Variants in LSM14B observed in about 807,000 individuals in gnomAD.
LSM14B encodes LSM family member 14B.
A neutral mutation model predicts 42.1 loss-of-function variants in LSM14B; 8 were observed. That is an observed-to-expected ratio of 0.19 (90% CI 0.11 to 0.34). LSM14B has a LOEUF of 0.34. Ranked by LOEUF, LSM14B falls within the 10% of genes least tolerant of loss-of-function variation. The probability of loss-of-function intolerance (pLI) is 1.00; values close to 1 mark genes in which losing one functional copy is unlikely to be tolerated. For synonymous variants in LSM14B, 219 were observed against 209.7 expected, an observed-to-expected ratio of 1.04 and a Z score of -0.38; for missense variants, 396 against 513.1, an observed-to-expected ratio of 0.77 and a Z score of 2.21.
intron 3 of LSM14B, chr20:62,128,825 AT>A (rs3215746): frequency 1.5e-3 from 1,031 of 667,572 alleles, no homozygotes; most frequent in South Asian, 1.9e-3. Context: ...TCTACAGTCA[AT>A]TTTTTTTTTC....
In LSM14B at chr20:62,134,266, G is replaced by A. The variant is rs796324786; in HGVS notation, c.*118G>A. The stretch of plus-strand genomic sequence containing the variant: ...GTCACTTTGTTTACGGAGTTTGGAA[G>A]AGACCCATACTGCTACTTGTGTTTT... On this transcript the variant is annotated 3_prime_UTR_variant, in exon 9 of 9. Transcript: ENST00000279068. The A allele has an allele frequency of 2.1e-6, 1 of 471,862 alleles. No homozygotes were observed. Among genetic ancestry groups the A allele is most frequent in the African/African-American group, 2.0e-5 (1 of 50,216 alleles). 29.2% of individuals were successfully genotyped at this position (471,862 alleles called of 1,614,324 possible). A position where few individuals can be genotyped will look rare whatever the true frequency, so the allele number is the denominator to read the frequency against.
In LSM14B at chr20:62,130,176, C is replaced by T. The variant is rs1201046526; in HGVS notation, c.596-43C>T. On this transcript the variant is annotated intron_variant, in intron 4 of 8. Coordinates refer to ENST00000279068, the MANE Select transcript of LSM14B (RefSeq NM_144703.3). This position sits in a 1 kb window ranked among gnomAD's most constrained non-coding sequence, Gnocchi z 4.1. ...TCCACAGCTGGGTTCTGGCTTCCGG[C>T]TGCTATAGGAGCTTTGCCTTACTCT... 2.6e-6 allele frequency: 4 copies of T among 1,557,412 alleles called. No individual in the cohort carries two copies. The highest frequency in any genetic ancestry group is 3.9e-5 in the Admixed American group (2 of 51,768).
chr20:62,127,656 T>C, intron 3 of LSM14B: 1 of 1,551,144 alleles, frequency 6.4e-7, no homozygotes, highest in Non-Finnish European at 8.7e-7. Flanking sequence ...ACAGCCCGTT[T>C]CAGAGCTTGA....
intron 3 of LSM14B, chr20:62,128,843 AT>A: frequency 1.2e-6 from 1 of 830,606 alleles, no homozygotes; most frequent in Non-Finnish European, 1.7e-6. Flanking sequence ...TTTCATTTCT[AT>A]TCCGTAAAAG....
intron 1 of LSM14B, chr20:62,123,385 CG>C (rs2056472317): frequency 6.6e-6 from 1 of 152,446 alleles, no homozygotes; most frequent in Non-Finnish European, 1.5e-5. Flanking sequence ...CAGAAGCATC[CG>C]TTGGCAGCCA....
At chr20:62,124,987 TCTC>T (rs1245335812) in intron 2 of LSM14B, among the ~76,000 whole-genome samples, 1 of 152,024 alleles carries the variant, frequency 6.6e-6, no homozygotes, top group African/African-American at 2.4e-5. Context: ...TTCAAGCAAT[TCTC>T]CTGCCTCAGC....
Position 62,130,215 on chromosome 20 carries a change from G to A in LSM14B, c.596-4G>A, listed in dbSNP as rs375310654. The A allele has an allele frequency of 6.3e-5, 100 of 1,596,440 alleles. No individual in the cohort carries two copies. The highest frequency in any genetic ancestry group is 1.6e-4 in the Middle Eastern group (1 of 6,066). On this transcript the variant is annotated splice_region_variant and splice_polypyrimidine_tract_variant and intron_variant, in intron 4 of 8. Transcript: ENST00000279068. This position sits in a 1 kb window ranked among gnomAD's most constrained non-coding sequence, Gnocchi z 4.1. The stretch of plus-strand genomic sequence containing the variant: ...TTGCCTTACTCTTCCCTTTTGCGCC[G>A]TAGATGTAGTCCAGCCGGCAGCTGT...
chr20:62,132,746 AGGAGTGCTGGGTG>A (rs917414721), intron 7 of LSM14B, among the ~76,000 whole-genome samples: 5 of 152,082 alleles, frequency 3.3e-5, no homozygotes, highest in Admixed American at 6.5e-5. Context: ...CTGCGTCGGT[AGGAGTGCTGGGTG>A]GGAGTGCTGG....
intron 3 of LSM14B, chr20:62,127,910 G>T: frequency 1.5e-6 from 1 of 686,176 alleles, no homozygotes; most frequent in South Asian, 1.6e-5. Context: ...GGAGTAGTTT[G>T]TTCTCTCTCC....
chr20:62,133,075 G>A (rs539730191), intron 7 of LSM14B, among the ~76,000 whole-genome samples: 4 of 152,268 alleles, frequency 2.6e-5, no homozygotes, highest in South Asian at 4.1e-4. Context: ...GATGGATCCC[G>A]ATCCCCGGCC....
chr20:62,133,278 T>C lies in LSM14B; in HGVS notation c.987-12T>C. The C allele has an allele frequency of 1.2e-6, 2 of 1,612,508 alleles. No individual in the cohort carries two copies. On this transcript the variant is annotated splice_polypyrimidine_tract_variant and intron_variant, in intron 7 of 8. Coordinates refer to ENST00000279068, the MANE Select transcript of LSM14B (RefSeq NM_144703.3). ...AGTGCCTGCTACAATCAGCATTTCC[T>C]CTGTGGTTTAGCTCCAGGCGGACGA...
chr20:62,129,209 A>G (rs922398662), intron 3 of LSM14B, among the ~76,000 whole-genome samples: 6 of 152,064 alleles, frequency 3.9e-5, no homozygotes, highest in African/African-American at 7.2e-5. Flanking sequence ...GTAGGCTGCT[A>G]CGTCTCGGAA....
At position 62,127,487 on chromosome 20, in the gene LSM14B, G is replaced by A. The variant is rs1277311532; in HGVS notation, c.427+1048G>A. ...TTTGTATGACAGAATCCTACAAGAG[G>A]TTGCTTGGCTCTTTCCAAGCTTGCT... On this transcript the variant is annotated intron_variant, in intron 3 of 8. Transcript: ENST00000279068. The A allele has an allele frequency of 9.7e-6, 8 of 824,350 alleles. No individual in the cohort carries two copies. The Admixed American group carries it at 1.1e-4, about 11-fold the overall frequency. 51.1% of individuals were successfully genotyped at this position (824,350 alleles called of 1,614,324 possible). A position where few individuals can be genotyped will look rare whatever the true frequency, so the allele number is the denominator to read the frequency against.
Position 62,129,920 on chromosome 20 carries a change from G to T in LSM14B, c.563G>T (p.Arg188Leu), listed in dbSNP as rs771106546. ...KGTTGTQLNG[R>L]QAQPSSKTAS... ...ACCACAGGGACGCAGCTCAACGGTC[G>T]TCAGGCCCAGCCGAGCAGCAAGACG... Residue 188 changes from arginine (R) to leucine (L), a missense_variant, in exon 4 of 9, where the codon CGT (arginine) becomes CTT (leucine). By Grantham distance (102) the Arg-to-Leu change is moderately radical (BLOSUM62 -2). Transcript: ENST00000279068. 1 of 1,613,128 alleles carries T rather than the reference G, an allele frequency of 6.2e-7. No individual in the cohort carries two copies. Among genetic ancestry groups the T allele is most frequent in the African/African-American group, 1.3e-5 (1 of 74,870 alleles).
intron 3 of LSM14B, among the ~76,000 whole-genome samples, chr20:62,127,360 G>A (rs1199419090): frequency 2.0e-5 from 3 of 152,162 alleles, no homozygotes; most frequent in Admixed American, 6.5e-5. Context: ...CCCTAAACGA[G>A]GTCTGTAGGC....
chr20:62,129,488 C>T (rs922774438), intron 3 of LSM14B, among the ~76,000 whole-genome samples: 4 of 152,082 alleles, frequency 2.6e-5, no homozygotes, highest in African/African-American at 7.2e-5. Flanking sequence ...TTTGTAGGCA[C>T]GGTGTTTTTC....
At position 62,122,696 on chromosome 20, in the gene LSM14B, G is replaced by A; in HGVS notation, c.30G>A (p.Leu10=). MSGSSGTPY[L]GSKISLISKA... ...GCGGCTCCTCAGGCACCCCGTATCT[G>A]GGCAGCAAGATCAGCCTCATCTCCA... is the stretch of plus-strand genomic sequence containing the variant. Residue 10 remains leucine (L), a synonymous_variant, in exon 1 of 9, where the codon CTG becomes CTA. Coordinates refer to ENST00000279068, the MANE Select transcript of LSM14B (RefSeq NM_144703.3). The surrounding 1 kb of genome is among the most constrained non-coding windows in gnomAD (Gnocchi z 4.6). 6.7e-7 allele frequency: 1 copy of A among 1,501,850 alleles called. No homozygotes were observed. Among genetic ancestry groups the A allele is most frequent in the South Asian group, 1.2e-5 (1 of 83,090 alleles). The allele number at this position is 1,501,850 out of a possible 1,614,324, so 93.0% of individuals were successfully genotyped here.
chr20:62,124,930 G>T (rs1206464197), intron 2 of LSM14B, 150 bp downstream of exon 2: 2 of 886,900 alleles, frequency 2.3e-6, no homozygotes, highest in South Asian at 3.8e-5. Context: ...CACCAGGCTG[G>T]AGGTCAGTGG....
chr20:62,122,514 G>GA lies in LSM14B; in HGVS notation c.-153_-152insA, dbSNP rs1170489906. On this transcript the variant is annotated 5_prime_UTR_variant, in exon 1 of 9. Coordinates refer to ENST00000279068, the MANE Select transcript of LSM14B (RefSeq NM_144703.3). This position sits in a 1 kb window ranked among gnomAD's most constrained non-coding sequence, Gnocchi z 4.6. Reference sequence around the variant, plus strand: ...TCTTGGTTCGCTCGGTGCCCGCGCAGGCCCCTCGGGCGGTGGCGAGGAGGC... The same window carrying GA: ...TCTTGGTTCGCTCGGTGCCCGCGCAGAGCCCCTCGGGCGGTGGCGAGGAGGC... The GA allele has an allele frequency of 2.3e-6, 1 of 431,982 alleles. No homozygotes were observed. Among genetic ancestry groups the GA allele is most frequent in the African/African-American group, 2.2e-5 (1 of 46,150 alleles). The allele number at this position is 431,982 out of a possible 1,614,324, so 26.8% of individuals were successfully genotyped here. A position where few individuals can be genotyped will look rare whatever the true frequency, so the allele number is the denominator to read the frequency against.
Sources: allele counts gnomAD v4.1 joint callset (sites outside exome capture counted in the v4.1 genomes callset), GRCh38; gene constraint gnomAD v4.1.1; non-coding constraint Gnocchi (gnomAD v3.1); transcripts MANE v1.5; gene names NCBI Gene and HGNC (gene_info 2026-07-23, HGNC 2026-07-21).